The following PRKAG1 variants were observed in gnomAD, a reference collection of about 807,000 sequenced individuals.
The protein encoded by PRKAG1 is 5'-AMP-activated protein kinase subunit gamma-1.
Under a neutral mutation model 48.2 loss-of-function variants are expected in PRKAG1, and 27 were observed. The ratio of observed to expected loss-of-function variants is 0.56; its 90% CI spans 0.41 to 0.77. The LOEUF (loss-of-function observed/expected upper bound fraction) is 0.77. PRKAG1 is among the 30% of genes least tolerant of loss of function. The pLI, the probability that PRKAG1 is intolerant of heterozygous loss-of-function variation, is 0.00. For synonymous variants in PRKAG1, 130 were observed against 147.7 expected, an observed-to-expected ratio of 0.88 and a Z score of 0.87; for missense variants, 287 against 398.3, an observed-to-expected ratio of 0.72 and a Z score of 2.38.
intron 11 of PRKAG1, 30 bp downstream of exon 11, chr12:49,003,114 C>T: frequency 1.2e-6 from 2 of 1,613,928 alleles, no homozygotes; most frequent in African/African-American, 1.3e-5. Context: ...CTGCTCCCCT[C>T]AGCTCCTTTA....
rs1403548726 is a variant in PRKAG1, at chr12:49,005,731, G to C, written c.168+12C>G. 4 of 1,611,346 alleles carry C rather than the reference G, an allele frequency of 2.5e-6. No individual in the cohort carries two copies. In the African/African-American group the frequency reaches 4.0e-5, roughly 16 times the overall value. Reference sequence around the variant, plus strand: ...GCTCCAAAGGGGGAAGGGAAAAGAGGATTTCACCCACCTGCAGGGACGTAT... The same window carrying C: ...GCTCCAAAGGGGGAAGGGAAAAGAGCATTTCACCCACCTGCAGGGACGTAT... On this transcript the variant is annotated intron_variant, in intron 3 of 11. Coordinates refer to ENST00000548065, the MANE Select transcript of PRKAG1 (RefSeq NM_002733.5). The surrounding 1 kb of genome is among the most constrained non-coding windows in gnomAD (Gnocchi z 4.1).
At chr12:49,010,524 GCCCGAGT>G (rs1941712932) in intron 2 of PRKAG1, among the ~76,000 whole-genome samples, 1 of 152,164 alleles carries the variant, frequency 6.6e-6, no homozygotes, top group South Asian at 2.1e-4. Context: ...CCTAAGCTGT[GCCCGAGT>G]CCCTTGCCAG....
At chr12:49,007,977 A>C (rs1438712235) in intron 2 of PRKAG1, among the ~76,000 whole-genome samples, 1 of 151,014 alleles carries the variant, frequency 6.6e-6, no homozygotes, top group Non-Finnish European at 1.5e-5. Flanking sequence ...CTCCTGCCTC[A>C]GCCTCGCAAG....
At chr12:49,010,455 G>A (rs1440485827) in intron 2 of PRKAG1, among the ~76,000 whole-genome samples, 2 of 152,174 alleles carry the variant, frequency 1.3e-5, no homozygotes, top group Non-Finnish European at 2.9e-5. Context: ...GAAAGGGCTG[G>A]AGGCTCAGCA....
intron 8 of PRKAG1, 144 bp from the exon 9 acceptor site, chr12:49,004,066 T>C: frequency 2.6e-6 from 3 of 1,143,156 alleles, no homozygotes; most frequent in Non-Finnish European, 2.4e-6. Flanking sequence ...GAGGGGGACA[T>C]ATTGCTTGAG....
At chr12:49,003,510 C>A (rs190107350) in intron 10 of PRKAG1, 48 bp downstream of exon 10, 11 of 1,526,262 alleles carry the variant, frequency 7.2e-6, no homozygotes, top group Non-Finnish European at 9.7e-6. Context: ...TTAACAGTGC[C>A]CCCCCCCCAC....
intron 2 of PRKAG1, chr12:49,009,369 C>T (rs2137668025): frequency 6.6e-6 from 1 of 152,254 alleles, no homozygotes; most frequent in South Asian, 2.1e-4. Flanking sequence ...GCCTCAGTCT[C>T]CCAAAGTGCT....
Position 49,013,053 on chromosome 12 carries a change from T to G in PRKAG1, c.58+9A>C, listed in dbSNP as rs1385089810. On this transcript the variant is annotated intron_variant, in intron 2 of 11. Coordinates refer to ENST00000548065, the MANE Select transcript of PRKAG1 (RefSeq NM_002733.5). ...TTCATGCCCAGTTTCCTTTCTTCAGTAAACTTACCTTGAGGATGCTCATTT... is the reference window on the plus strand; with the variant it reads ...TTCATGCCCAGTTTCCTTTCTTCAGGAAACTTACCTTGAGGATGCTCATTT... 6.2e-7 allele frequency: 1 copy of G among 1,609,312 alleles called. No individual in the cohort carries two copies. The highest frequency in any genetic ancestry group is 1.1e-5 in the South Asian group (1 of 90,864).
chr12:49,009,944 A>C (rs1029805428), intron 2 of PRKAG1, among the ~76,000 whole-genome samples: 1 of 152,202 alleles, frequency 6.6e-6, no homozygotes, highest in Non-Finnish European at 1.5e-5. Flanking sequence ...CTACTTTCAC[A>C]GGTATTGAGA....
At position 49,002,668 on chromosome 12, in the gene PRKAG1, A is replaced by G. The variant is rs948270465; in HGVS notation, c.*231T>C. On this transcript the variant is annotated 3_prime_UTR_variant, in exon 12 of 12. Transcript: ENST00000548065. ...GGATATATCTAAGAGGACAGGGGCT[A>G]GAACTGGCTAGGCTGAAAGTTTTTT... 2 of 618,722 alleles carry G rather than the reference A, an allele frequency of 3.2e-6. No homozygotes were observed. Among genetic ancestry groups the G allele is most frequent in the African/African-American group, 3.6e-5 (2 of 55,322 alleles). 38.3% of individuals were successfully genotyped at this position (618,722 alleles called of 1,614,324 possible). A position where few individuals can be genotyped will look rare whatever the true frequency, so the allele number is the denominator to read the frequency against.
At position 49,003,145 on chromosome 12, in the gene PRKAG1, T is replaced by A; in HGVS notation, c.887A>T (p.Glu296Val). The change falls in exon 11 of 12, where the codon GAG (glutamate) becomes GTG (valine). Residue 296 changes from glutamate (E) to valine (V), a missense_variant and splice_region_variant. Physicochemically the swap from Glu to Val is moderately radical, Grantham distance 121. This residue lies in a region of PRKAG1 where 224 missense variants were observed against 344.3 expected (regional missense o/e 0.65). Transcript: ENST00000548065. ...ETIINRLVEA[E>V]VHRLVVVDEN... ...CTTTAGGGTTGCTGGCCTCCCTACC[T>A]CTGCTTCCACTAGCCTGTTGATGAT... is the stretch of plus-strand genomic sequence containing the variant. The A allele has an allele frequency of 6.2e-7, 1 of 1,614,164 alleles. No homozygotes were observed. Among genetic ancestry groups the A allele is most frequent in the Non-Finnish European group, 8.5e-7 (1 of 1,180,018 alleles).
At position 49,005,021 on chromosome 12, in the gene PRKAG1, G is replaced by A. The variant is rs1439527346; in HGVS notation, c.356-3C>T. 1.9e-6 allele frequency: 3 copies of A among 1,613,786 alleles called. No individual in the cohort carries two copies. In the African/African-American group the frequency reaches 4.0e-5, roughly 22 times the overall value. ...AAAGGAGTCCTGGAGATACACCTCT[G>A]AAGGGAAAAGGGATGGGTCACAAAA... is the stretch of plus-strand genomic sequence containing the variant. On this transcript the variant is annotated splice_polypyrimidine_tract_variant and splice_region_variant and intron_variant, in intron 6 of 11. Transcript: ENST00000548065. The surrounding 1 kb of genome is among the most constrained non-coding windows in gnomAD (Gnocchi z 4.1).
intron 1 of PRKAG1, 40 bp downstream of exon 1, chr12:49,018,692 G>C (rs200850251): frequency 3.1e-6 from 5 of 1,613,526 alleles, no homozygotes; most frequent in African/African-American, 1.3e-5. Flanking sequence ...GGGTGTCTTA[G>C]GCTCCACAGC....
At chr12:49,008,841 A>G (rs1941649885) in intron 2 of PRKAG1, among the ~76,000 whole-genome samples, 1 of 151,482 alleles carries the variant, frequency 6.6e-6, no homozygotes, top group African/African-American at 2.4e-5. Context: ...CTCTCTGAAA[A>G]CTCATAGGAT....
At chr12:49,003,508 GCCC>G in intron 10 of PRKAG1, 47 bp downstream of exon 10, 2 of 1,371,174 alleles carry the variant, frequency 1.5e-6, no homozygotes, top group Non-Finnish European at 2.0e-6. Flanking sequence ...ATTTAACAGT[GCCC>G]CCCCCCCACC....
chr12:49,003,404 C>T, intron 10 of PRKAG1, 114 bp from the exon 11 acceptor site: 1 of 1,538,254 alleles, frequency 6.5e-7, no homozygotes, highest in Non-Finnish European at 8.9e-7. Flanking sequence ...CAAGCCACAC[C>T]CAACTCATTC....
At position 49,003,266 on chromosome 12, in the gene PRKAG1, T is replaced by C; in HGVS notation, c.766A>G (p.Asn256Asp). 1 of 1,614,170 alleles carries C rather than the reference T, an allele frequency of 6.2e-7. No individual in the cohort carries two copies. The highest frequency in any genetic ancestry group is 8.5e-7 in the Non-Finnish European group (1 of 1,180,036). The change falls in exon 11 of 12, where the codon AAC (asparagine) becomes GAC (aspartate). Residue 256 changes from asparagine (N) to aspartate (D), a missense_variant. By Grantham distance (23) the Asn-to-Asp change is conservative. Around this residue, in one of 2 missense-constraint regions of PRKAG1, gnomAD observed 224 missense variants for 344.3 expected, o/e 0.65. Coordinates refer to ENST00000548065, the MANE Select transcript of PRKAG1 (RefSeq NM_002733.5). Reference sequence around the variant, plus strand: ...TTAGTCACAGATACATCTAGGTTGTTGTAGGTCTTTTCTGCTGCCAGATTC... The same window carrying C: ...TTAGTCACAGATACATCTAGGTTGTCGTAGGTCTTTTCTGCTGCCAGATTC... ...VINLAAEKTY[N>D]NLDVSVTKAL...
chr12:49,003,303 A>G lies in PRKAG1; in HGVS notation c.742-13T>C, dbSNP rs891648999. ...CTGCTGCCAGATTCTGGGGAGACAG[A>G]GGAAGGAGCTTGCAGGGAAGCAAGA... On this transcript the variant is annotated splice_polypyrimidine_tract_variant and intron_variant, in intron 10 of 11. Transcript: ENST00000548065. 6.2e-7 allele frequency: 1 copy of G among 1,613,946 alleles called. No individual in the cohort carries two copies. The highest frequency in any genetic ancestry group is 2.2e-5 in the East Asian group (1 of 44,886).
At chr12:49,018,653 CG>C (rs1942111642) in intron 1 of PRKAG1, 78 bp downstream of exon 1, 1 of 1,607,094 alleles carries the variant, frequency 6.2e-7, no homozygotes, top group Non-Finnish European at 8.5e-7. Context: ...AGCCCCTGCC[CG>C]GCCCTCCCGG....
Sources: gnomAD v4.1 joint callset for allele counts (sites outside exome capture counted in the v4.1 genomes callset) on GRCh38, gnomAD v4.1.1 for gene constraint, gnomAD v4.1.1 regional missense constraint, Gnocchi (gnomAD v3.1) non-coding constraint, MANE v1.5 for transcripts, NCBI Gene and HGNC (gene_info 2026-07-23, HGNC 2026-07-21) for gene names.